Variants in DENND1A observed in about 807,000 individuals in gnomAD.
DENND1A encodes DENN domain-containing protein 1A.
In DENND1A, 51 loss-of-function variants were observed where a neutral mutation model predicts 113.7. The ratio of observed to expected loss-of-function variants is 0.45; its 90% CI spans 0.36 to 0.57. DENND1A has a LOEUF of 0.57. Ranked by LOEUF, DENND1A falls within the 20% of genes least tolerant of loss-of-function variation. DENND1A has a pLI of 0.00. For synonymous variants in DENND1A, 565 were observed against 570.8 expected (o/e 0.99, Z 0.14); for missense variants, 1,258 against 1,395.9 (o/e 0.90, Z 1.57).
chr9:123,395,803 T>C (rs1440142769), intron 21 of DENND1A, among the ~76,000 whole-genome samples: 1 of 152,144 alleles, frequency 6.6e-6, no homozygotes, highest in Non-Finnish European at 1.5e-5. Flanking sequence ...TTTGTGGTTG[T>C]TACCGGACGC....
chr9:123,429,453 G>A (rs1047346667), intron 19 of DENND1A, among the ~76,000 whole-genome samples: 1 of 152,146 alleles, frequency 6.6e-6, no homozygotes, highest in Non-Finnish European at 1.5e-5. Context: ...TACTTGGGAG[G>A]CTGAGGTATG....
intron 12 of DENND1A, among the ~76,000 whole-genome samples, chr9:123,562,137 C>T (rs577688034): frequency 6.6e-6 from 1 of 152,328 alleles, no homozygotes; most frequent in Non-Finnish European, 1.5e-5. Context: ...TGCCCCCGCC[C>T]TTCACCATCA....
chr9:123,556,244 A>G (rs1329426793), intron 13 of DENND1A, among the ~76,000 whole-genome samples: 1 of 152,204 alleles, frequency 6.6e-6, no homozygotes, highest in African/African-American at 2.4e-5. Context: ...CAGGCAGCCT[A>G]GAGAGTAAGG....
At chr9:123,747,620 C>T (rs1342210699) in intron 5 of DENND1A, among the ~76,000 whole-genome samples, 1 of 152,072 alleles carries the variant, frequency 6.6e-6, no homozygotes, top group East Asian at 1.9e-4. Flanking sequence ...TAATTTTCTC[C>T]ACAATGTTTA....
intron 2 of DENND1A, among the ~76,000 whole-genome samples, chr9:123,815,366 A>T (rs938857239): frequency 6.6e-6 from 1 of 152,206 alleles, no homozygotes. Flanking sequence ...CCCCCTGCAA[A>T]ATACACATCT....
chr9:123,427,454 C>T (rs1311525670), intron 19 of DENND1A, among the ~76,000 whole-genome samples: 3 of 152,186 alleles, frequency 2.0e-5, no homozygotes, highest in African/African-American at 7.2e-5. Context: ...ACAGCTGTGC[C>T]CATCTCTACA....
intron 13 of DENND1A, among the ~76,000 whole-genome samples, chr9:123,512,671 C>T (rs938241663): frequency 2.0e-5 from 3 of 152,200 alleles, no homozygotes; most frequent in Non-Finnish European, 4.4e-5. Context: ...GGAAGCTTCT[C>T]GAATATGTGG....
At chr9:123,914,559 A>G (rs910859374) in intron 1 of DENND1A, among the ~76,000 whole-genome samples, 6 of 151,470 alleles carry the variant, frequency 4.0e-5, no homozygotes, top group African/African-American at 9.7e-5. Context: ...AAAAAAAAAA[A>G]AAAAGAAATA....
chr9:123,632,678 C>T lies in DENND1A; in HGVS notation c.619-2202G>A, dbSNP rs183000388. 1.3e-3 allele frequency among the ~76,000 whole-genome samples: 202 copies of T among 152,276 alleles called. 2 individuals are homozygous for T. Among genetic ancestry groups the T allele is most frequent in the Non-Finnish European group, 4.4e-4 (30 of 68,020 alleles). On this transcript the variant is annotated intron_variant, in intron 9 of 23. Coordinates refer to ENST00000394215, the MANE Select transcript of DENND1A (RefSeq NM_001352964.2). ...TCCACCAGCCCACGGTCTAGCTTTACAGCAGCCATCTGTAGCCACACTCTG... is the reference window on the plus strand; with the variant it reads ...TCCACCAGCCCACGGTCTAGCTTTATAGCAGCCATCTGTAGCCACACTCTG...
chr9:123,589,516 A>G (rs2059352817), intron 11 of DENND1A, among the ~76,000 whole-genome samples: 1 of 147,460 alleles, frequency 6.8e-6, no homozygotes, highest in Non-Finnish European at 1.5e-5. Context: ...GTACTGCGGC[A>G]CACCGAGACA....
intron 13 of DENND1A, among the ~76,000 whole-genome samples, chr9:123,537,691 A>G (rs947670644): frequency 3.9e-5 from 6 of 152,114 alleles, no homozygotes; most frequent in Non-Finnish European, 8.8e-5. Flanking sequence ...AAAGTGACTT[A>G]TTAACAAAAT....
At chr9:123,396,395 T>C (rs1003585914) in intron 21 of DENND1A, among the ~76,000 whole-genome samples, 1 of 152,222 alleles carries the variant, frequency 6.6e-6, no homozygotes, top group Non-Finnish European at 1.5e-5. Context: ...AGTGGGGCTG[T>C]GCAGGAGGGA....
chr9:123,493,314 G>T (rs1203552598), intron 13 of DENND1A, among the ~76,000 whole-genome samples: 5 of 152,180 alleles, frequency 3.3e-5, no homozygotes, highest in African/African-American at 1.2e-4. Context: ...CAGGGAGGTT[G>T]GGGGGAGACT....
chr9:123,704,152 GA>G (rs140590007), intron 5 of DENND1A, among the ~76,000 whole-genome samples: 29,806 of 144,708 alleles, frequency 0.21, 3,027 homozygotes, highest in African/African-American at 0.28. Flanking sequence ...AAAATAAAAT[GA>G]AAAAAAAAAA....
intron 10 of DENND1A, among the ~76,000 whole-genome samples, chr9:123,626,258 T>G (rs1048175469): frequency 6.6e-6 from 1 of 151,978 alleles, no homozygotes; most frequent in Non-Finnish European, 1.5e-5. Context: ...TCTCTCCCTG[T>G]GGAAGACCCT....
At chr9:123,743,489 T>G (rs901742475) in intron 5 of DENND1A, among the ~76,000 whole-genome samples, 6 of 152,026 alleles carry the variant, frequency 3.9e-5, no homozygotes, top group African/African-American at 1.4e-4. Flanking sequence ...CCCAGCACTT[T>G]GGGAGGCTGG....
intron 13 of DENND1A, among the ~76,000 whole-genome samples, chr9:123,539,570 A>G (rs1415755237): frequency 1.3e-5 from 2 of 151,980 alleles, no homozygotes; most frequent in African/African-American, 4.8e-5. Context: ...ATGAAAGGGG[A>G]TTCTAGGGTG....
At chr9:123,638,439 G>A (rs769799985) in intron 9 of DENND1A, among the ~76,000 whole-genome samples, 2 of 152,052 alleles carry the variant, frequency 1.3e-5, no homozygotes, top group Admixed American at 6.5e-5. Flanking sequence ...TCACAGAGTC[G>A]GGATGTGGCC....
intron 5 of DENND1A, among the ~76,000 whole-genome samples, chr9:123,705,251 T>A (rs1321939341): frequency 2.0e-5 from 3 of 152,174 alleles, no homozygotes; most frequent in Admixed American, 6.5e-5. Context: ...ATTGGAGAAA[T>A]GCTAATATAC....
Sources: allele counts gnomAD v4.1 joint callset (sites outside exome capture counted in the v4.1 genomes callset), GRCh38; gene constraint gnomAD v4.1.1; transcripts MANE v1.5; gene names NCBI Gene and HGNC (gene_info 2026-07-23, HGNC 2026-07-21).